DYNC1LI2: variants seen among roughly 807,000 people sequenced by gnomAD.
DYNC1LI2 encodes cytoplasmic dynein 1 light intermediate chain 2.
In DYNC1LI2, 19 loss-of-function variants were observed where a neutral mutation model predicts 57.8. The ratio of observed to expected loss-of-function variants is 0.33; its 90% confidence interval spans 0.23 to 0.48. DYNC1LI2 has a LOEUF of 0.48. Among genes scored for constraint, DYNC1LI2 ranks in the 20% least tolerant of loss-of-function variants. The pLI is 0.99. For missense variants in DYNC1LI2, 470 were observed against 604.2 expected, an observed-to-expected ratio of 0.78 and a Z score of 2.33; for synonymous variants, 256 against 233.4, an observed-to-expected ratio of 1.10 and a Z score of -0.88.
chr16:66,739,890 GGTGA>G (rs2017806144), intron 4 of DYNC1LI2, among the ~76,000 whole-genome samples: 1 of 152,184 alleles, frequency 6.6e-6, no homozygotes, highest in Admixed American at 6.5e-5. Context: ...CTCTCCAGAT[GGTGA>G]GTATTTCACA....
chr16:66,734,394 T>C (rs773707640), intron 5 of DYNC1LI2, 83 bp from the exon 6 acceptor site: 443 of 1,348,468 alleles, frequency 3.3e-4, no homozygotes, highest in Middle Eastern at 9.2e-4. Flanking sequence ...AAATAAAGTA[T>C]TGTGGCTCCA....
chr16:66,738,602 C>T (rs371712999), intron 4 of DYNC1LI2, among the ~76,000 whole-genome samples: 5 of 151,924 alleles, frequency 3.3e-5, no homozygotes, highest in African/African-American at 9.7e-5. Flanking sequence ...TCAGGCTAAA[C>T]GCGATGGCTT....
intron 5 of DYNC1LI2, among the ~76,000 whole-genome samples, chr16:66,735,246 C>T (rs1008813954): frequency 6.6e-6 from 1 of 151,430 alleles, no homozygotes; most frequent in African/African-American, 2.4e-5. Context: ...GGATGACAGG[C>T]ACCTGCCACC....
intron 3 of DYNC1LI2, among the ~76,000 whole-genome samples, chr16:66,746,829 T>C (rs534386321): frequency 6.6e-6 from 1 of 152,274 alleles, no homozygotes; most frequent in East Asian, 1.9e-4. Context: ...TACAGAGTGG[T>C]TAAGTCAGTT....
chr16:66,745,446 T>C (rs911006778), intron 3 of DYNC1LI2, among the ~76,000 whole-genome samples: 1 of 151,658 alleles, frequency 6.6e-6, no homozygotes, highest in African/African-American at 2.4e-5. Flanking sequence ...ACTGGCTGAT[T>C]TTTGTATTTT....
intron 9 of DYNC1LI2, 117 bp downstream of exon 9, chr16:66,728,923 C>T (rs1367670644): frequency 9.6e-7 from 1 of 1,042,696 alleles, no homozygotes; most frequent in Non-Finnish European, 1.5e-6. Context: ...GGTCTCAACC[C>T]CTCTACCACT....
chr16:66,727,911 G>C (rs1487093922), intron 10 of DYNC1LI2, 106 bp from the exon 11 acceptor site: 8 of 1,053,772 alleles, frequency 7.6e-6, no homozygotes, highest in Non-Finnish European at 1.1e-5. Flanking sequence ...ACAGGCTATG[G>C]TACAGGACTG....
rs550357802 is a variant in DYNC1LI2 at position 66,741,437 on chromosome 16, A to C, written c.529+1001T>G. Among the ~76,000 whole-genome samples the C allele has an allele frequency of 1.1e-4, 17 of 152,372 alleles. No homozygotes were observed. In the South Asian group the frequency reaches 1.2e-3, roughly 11 times the overall value. On this transcript the variant is annotated intron_variant, in intron 4 of 12. Transcript: ENST00000258198. ...ATACACATGCACAACAAACCGAAGA[A>C]TACAATGTTAAACTCATTGTTTTAG... is the stretch of plus-strand genomic sequence containing the variant.
intron 4 of DYNC1LI2, among the ~76,000 whole-genome samples, chr16:66,736,537 A>C (rs2017737939): frequency 6.6e-6 from 1 of 152,106 alleles, no homozygotes; most frequent in African/African-American, 2.4e-5. Flanking sequence ...TTTGAGACAA[A>C]GTCTTGCTCT....
In DYNC1LI2 at chr16:66,734,146, T is replaced by C. The variant is rs911582212; in HGVS notation, c.793+72A>G. 3.0e-5 allele frequency: 43 copies of C among 1,446,590 alleles called. 1 individual carries two copies. The African/African-American group carries it at 4.9e-4, about 16-fold the overall frequency. The allele number at this position is 1,446,590 out of a possible 1,614,324, so 89.6% of individuals were successfully genotyped here. On this transcript the variant is annotated intron_variant, in intron 6 of 12. Coordinates refer to ENST00000258198, the MANE Select transcript of DYNC1LI2 (RefSeq NM_006141.3). ...ACACTATTCTGGGTTTGGGAGGTGC[T>C]TTATCTCTTTGAAGATGCCCCATTT...
intron 12 of DYNC1LI2, chr16:66,724,739 G>A (rs961380739): frequency 1.3e-5 from 2 of 152,112 alleles, no homozygotes; most frequent in African/African-American, 4.8e-5. Context: ...GGGAGGAGGA[G>A]GCCTTGACTC....
Position 66,723,213 on chromosome 16 carries a change from C to A in DYNC1LI2, c.*509G>T, listed in dbSNP as rs2017478470. ...GAATGCACAGTATTTACTGACACTG[C>A]TCATCTCCTCCTTCCTCCACCTCCC... is the stretch of plus-strand genomic sequence containing the variant. On this transcript the variant is annotated 3_prime_UTR_variant, in exon 13 of 13. Coordinates refer to ENST00000258198, the MANE Select transcript of DYNC1LI2 (RefSeq NM_006141.3). 2 of 403,662 alleles carry A rather than the reference C, an allele frequency of 5.0e-6. No individual in the cohort carries two copies. The highest frequency in any genetic ancestry group is 5.0e-6 in the Non-Finnish European group (1 of 198,762). 25.0% of individuals were successfully genotyped at this position (403,662 alleles called of 1,614,324 possible).
At chr16:66,729,571 GTTTTTTTTTT>G (rs11310483) in intron 8 of DYNC1LI2, among the ~76,000 whole-genome samples, 4 of 93,698 alleles carry the variant, frequency 4.3e-5, no homozygotes, top group African/African-American at 4.7e-5. Context: ...TTTCTTTATA[GTTTTTTTTTT>G]TTTTTTTTTT....
chr16:66,732,236 TAGAAGACACAGAC>T, intron 7 of DYNC1LI2, 90 bp downstream of exon 7: 1 of 1,407,308 alleles, frequency 7.1e-7, no homozygotes, highest in Non-Finnish European at 9.5e-7. Context: ...GAGCTGGCTG[TAGAAGACACAGAC>T]AGAAGGCACC....
At chr16:66,736,320 G>A (rs567599929) in intron 4 of DYNC1LI2, 76 bp from the exon 5 acceptor site, 1 of 1,529,586 alleles carries the variant, frequency 6.5e-7, no homozygotes, top group East Asian at 2.3e-5. Flanking sequence ...CTGAAAAGAA[G>A]GCAATAATAA....
chr16:66,747,367 C>T (rs1231358095), intron 3 of DYNC1LI2, among the ~76,000 whole-genome samples: 6 of 152,086 alleles, frequency 3.9e-5, no homozygotes, highest in Non-Finnish European at 2.9e-5. Flanking sequence ...TGAGCCACCG[C>T]GCCCAGCCAC....
rs2018050073 is a variant in DYNC1LI2 at position 66,751,395 on chromosome 16, G to A, written c.108-49C>T. 1.3e-6 allele frequency: 2 copies of A among 1,597,792 alleles called. No homozygotes were observed. Among genetic ancestry groups the A allele is most frequent in the Admixed American group, 1.7e-5 (1 of 58,638 alleles). The stretch of plus-strand genomic sequence containing the variant: ...GTCAGCCCCGGGCCGGGCTGGGATG[G>A]CCCGGCTCGCGTCGGCCCCTCAGTG... On this transcript the variant is annotated intron_variant, in intron 1 of 12. Coordinates refer to ENST00000258198, the MANE Select transcript of DYNC1LI2 (RefSeq NM_006141.3). This position sits in a 1 kb window ranked among gnomAD's most constrained non-coding sequence, Gnocchi z 5.2.
At chr16:66,730,019 G>C in intron 8 of DYNC1LI2, 93 bp downstream of exon 8, 1 of 1,038,802 alleles carries the variant, frequency 9.6e-7, no homozygotes, top group Non-Finnish European at 1.4e-6. Flanking sequence ...GACCTCATGT[G>C]ATCTGCCCGC....
intron 5 of DYNC1LI2, among the ~76,000 whole-genome samples, chr16:66,735,530 G>A (rs1274810573): frequency 2.6e-5 from 4 of 151,548 alleles, no homozygotes; most frequent in Non-Finnish European, 4.4e-5. Flanking sequence ...TTTTTGAGAC[G>A]GAGTCTCGCT....
Sources: gnomAD v4.1 joint callset for allele counts (sites outside exome capture counted in the v4.1 genomes callset) on GRCh38, gnomAD v4.1.1 for gene constraint, Gnocchi (gnomAD v3.1) non-coding constraint, MANE v1.5 for transcripts, NCBI Gene and HGNC (gene_info 2026-07-23, HGNC 2026-07-21) for gene names.